The following BICD1 variants were observed in gnomAD, a reference collection of about 807,000 sequenced individuals.
BICD1 encodes BICD cargo adaptor 1.
In BICD1, 35 loss-of-function variants were observed where a neutral mutation model predicts 92.5. The ratio of observed to expected loss-of-function variants is 0.38; its 90% CI spans 0.29 to 0.50. BICD1 has a LOEUF of 0.50. Ranked by LOEUF, BICD1 falls within the 20% of genes least tolerant of loss-of-function variation. The pLI is 0.93. For synonymous variants in BICD1, 429 were observed against 465.1 expected, an observed-to-expected ratio of 0.92 and a Z score of 1.00; for missense variants, 950 against 1,189.8, an observed-to-expected ratio of 0.80 and a Z score of 2.97.
At chr12:32,157,336 C>T (rs976849653) in intron 1 of BICD1, among the ~76,000 whole-genome samples, 1 of 152,140 alleles carries the variant, frequency 6.6e-6, no homozygotes, top group Non-Finnish European at 1.5e-5. Flanking sequence ...AATGAAGAAT[C>T]CAGTCCCATT....
At chr12:32,132,415 CAAAA>C (rs34771538) in intron 1 of BICD1, among the ~76,000 whole-genome samples, 2 of 109,394 alleles carry the variant, frequency 1.8e-5, no homozygotes, top group Non-Finnish European at 1.8e-5. Context: ...GACTCTGTCT[CAAAA>C]AAAAAAAAAA....
intron 1 of BICD1, among the ~76,000 whole-genome samples, chr12:32,113,386 T>C (rs1941768830): frequency 6.6e-6 from 1 of 152,038 alleles, no homozygotes; most frequent in Non-Finnish European, 1.5e-5. Flanking sequence ...GTTACATGAG[T>C]TTCTGTTGTT....
Position 32,285,957 on chromosome 12 carries a change from A to G in BICD1, c.427-8037A>G, listed in dbSNP as rs1295164129. On this transcript the variant is annotated intron_variant, in intron 2 of 9. Transcript: ENST00000652176. ...TGCCCCTAGAATATAATCGCTGGCA[A>G]TTCAAAAAGCAAGGATTTTTAGCAA... 5.3e-5 allele frequency among the ~76,000 whole-genome samples: 8 copies of G among 152,232 alleles called. No homozygotes were observed. In the East Asian group the frequency reaches 1.5e-3, roughly 29 times the overall value.
At chr12:32,130,476 C>G (rs1020267147) in intron 1 of BICD1, among the ~76,000 whole-genome samples, 2 of 152,112 alleles carry the variant, frequency 1.3e-5, no homozygotes, top group African/African-American at 4.8e-5. Flanking sequence ...CAGGCGTGAG[C>G]CACCACGCCC....
intron 3 of BICD1, among the ~76,000 whole-genome samples, chr12:32,299,627 G>A (rs1320844200): frequency 2.0e-5 from 3 of 152,102 alleles, no homozygotes; most frequent in Non-Finnish European, 2.9e-5. Context: ...ACTTTAGGAG[G>A]CCAAGTCACG....
intron 1 of BICD1, among the ~76,000 whole-genome samples, chr12:32,142,409 AAAAAAAAAAAAAAAAAAAAAAAC>A (rs1942956267): frequency 7.0e-5 from 1 of 14,330 alleles, no homozygotes; most frequent in African/African-American, 2.0e-4. Flanking sequence ...TCTGTCTAAA[AAAAAAAAAAAAAAAAAAAAAAAC>A]AAAAAACCCC....
intron 8 of BICD1, among the ~76,000 whole-genome samples, chr12:32,357,002 G>C (rs1289807472): frequency 2.1e-5 from 3 of 145,562 alleles, no homozygotes; most frequent in Admixed American, 7.2e-5. Flanking sequence ...TTCGAATGCA[G>C]ATTCTCCTGC....
intron 3 of BICD1, among the ~76,000 whole-genome samples, chr12:32,296,628 A>G (rs1460645405): frequency 2.0e-5 from 3 of 152,110 alleles, no homozygotes; most frequent in African/African-American, 7.2e-5. Context: ...AAACAAATTT[A>G]CTTGAAGTGC....
chr12:32,369,862 C>T lies in BICD1; in HGVS notation c.2840+2117C>T, dbSNP rs549160629. On this transcript the variant is annotated intron_variant, in intron 9 of 9. Coordinates refer to ENST00000652176, the MANE Select transcript of BICD1 (RefSeq NM_001714.4). ...TCAAGACTGCAGCAAGCTGTGATTG[C>T]ATCACTGCACTCCAGCCTGGGTAAC... Among the ~76,000 whole-genome samples, 10 of 152,068 alleles carry T rather than the reference C, an allele frequency of 6.6e-5. No individual in the cohort carries two copies. The South Asian group carries it at 1.0e-3, about 16-fold the overall frequency.
At chr12:32,209,468 G>T (rs1945152160) in intron 1 of BICD1, among the ~76,000 whole-genome samples, 1 of 152,174 alleles carries the variant, frequency 6.6e-6, no homozygotes. Flanking sequence ...AAGGTAATTG[G>T]TCAGATAATT....
chr12:32,116,375 T>C (rs2121180421), intron 1 of BICD1, among the ~76,000 whole-genome samples: 1 of 152,198 alleles, frequency 6.6e-6, no homozygotes, highest in East Asian at 1.9e-4. Flanking sequence ...GTTTTTCCAC[T>C]CTGGTCACTC....
At chr12:32,130,109 A>G (rs1055224189) in intron 1 of BICD1, among the ~76,000 whole-genome samples, 11 of 152,220 alleles carry the variant, frequency 7.2e-5, no homozygotes, top group Non-Finnish European at 4.4e-5. Context: ...ATGGGAAGAG[A>G]TGTTCAATCT....
At chr12:32,316,947 C>T (rs1406143259) in intron 4 of BICD1, among the ~76,000 whole-genome samples, 1 of 152,134 alleles carries the variant, frequency 6.6e-6, no homozygotes, top group Admixed American at 6.5e-5. Flanking sequence ...TGAGTGAGAA[C>T]ATGCTGTGTT....
chr12:32,284,615 G>A (rs11051899), intron 2 of BICD1, among the ~76,000 whole-genome samples: 4,835 of 152,096 alleles, frequency 0.032, 166 homozygotes, highest in African/African-American at 0.085. Context: ...GTCCACCCTC[G>A]CAACTCTCAA....
chr12:32,106,982 A>C lies in BICD1; in HGVS notation c.-350A>C, dbSNP rs1941490961. Reference sequence around the variant, plus strand: ...GAGACATGGCGGACGGGCGTCTCTGAATAAGCAGAATCCGGAGCCCCTCGC... The same window carrying C: ...GAGACATGGCGGACGGGCGTCTCTGCATAAGCAGAATCCGGAGCCCCTCGC... On this transcript the variant is annotated 5_prime_UTR_variant, in exon 1 of 10. It removes the in-frame stop codon of an upstream open reading frame in the 5' UTR. Transcript: ENST00000652176. 3.7e-6 allele frequency: 1 copy of C among 268,380 alleles called. No homozygotes were observed. The highest frequency in any genetic ancestry group is 4.7e-5 in the South Asian group (1 of 21,326). The allele number at this position is 268,380 out of a possible 1,614,324, so 16.6% of individuals were successfully genotyped here. A position where few individuals can be genotyped will look rare whatever the true frequency, so the allele number is the denominator to read the frequency against.
At chr12:32,374,958 G>A (rs1939884803) in intron 9 of BICD1, among the ~76,000 whole-genome samples, 1 of 101,816 alleles carries the variant, frequency 9.8e-6, no homozygotes, top group Admixed American at 1.5e-4. Flanking sequence ...TCGCTCTGTC[G>A]TCCAGGCTGG....
chr12:32,117,786 CGTT>C (rs1384102046), intron 1 of BICD1, among the ~76,000 whole-genome samples: 3 of 142,912 alleles, frequency 2.1e-5, no homozygotes, highest in Non-Finnish European at 4.5e-5. Context: ...ATTTCGCTCT[CGTT>C]GTCCAGGCTG....
intron 8 of BICD1, among the ~76,000 whole-genome samples, chr12:32,346,956 T>TC (rs993912786): frequency 6.7e-6 from 1 of 149,530 alleles, no homozygotes; most frequent in South Asian, 2.1e-4. Flanking sequence ...TTCTTTTCTT[T>TC]TTTTTTTTTT....
At chr12:32,267,136 G>T (rs911139123) in intron 2 of BICD1, among the ~76,000 whole-genome samples, 1 of 152,086 alleles carries the variant, frequency 6.6e-6, no homozygotes, top group Non-Finnish European at 1.5e-5. Context: ...TCTCTGATAG[G>T]TGTTACCATG....
Sources: gnomAD v4.1 joint callset for allele counts (sites outside exome capture counted in the v4.1 genomes callset) on GRCh38, gnomAD v4.1.1 for gene constraint, MANE v1.5 for transcripts, NCBI Gene and HGNC (gene_info 2026-07-23, HGNC 2026-07-21) for gene names.